The following GLIS1 variants were observed in gnomAD, a reference collection of about 807,000 sequenced individuals.
GLIS1 encodes the protein GLIS family zinc finger 1, also known as zinc finger protein GLIS1.
Under a neutral mutation model 63.8 loss-of-function variants are expected in GLIS1, and 24 were observed. The observed-to-expected ratio is 0.38, with a 90% CI of 0.27 to 0.53. The LOEUF is 0.53. Among genes scored for constraint, GLIS1 ranks in the 20% least tolerant of loss-of-function variants. The pLI, the probability that GLIS1 is intolerant of heterozygous loss-of-function variation, is 0.85. For synonymous variants in GLIS1, 450 were observed against 482.5 expected (o/e 0.93, Z 0.88); for missense variants, 1,036 against 1,074.1 (o/e 0.96, Z 0.50).
intron 2 of GLIS1, among the ~76,000 whole-genome samples, chr1:53,638,301 A>T (rs1319954613): frequency 1.3e-5 from 2 of 152,230 alleles, no homozygotes; most frequent in African/African-American, 4.8e-5. Flanking sequence ...CCATAACCCA[A>T]AGACAACGTG....
intron 2 of GLIS1, among the ~76,000 whole-genome samples, chr1:53,652,174 C>T (rs1051274211): frequency 3.3e-5 from 5 of 152,192 alleles, no homozygotes; most frequent in Non-Finnish European, 7.3e-5. Flanking sequence ...TTCTGTGTGT[C>T]CCTGTATGTA....
At chr1:53,629,694 G>A (rs1264409199) in intron 2 of GLIS1, among the ~76,000 whole-genome samples, 2 of 152,196 alleles carry the variant, frequency 1.3e-5, no homozygotes, top group Non-Finnish European at 2.9e-5. Flanking sequence ...TCACCTTCCT[G>A]CAAGAGGCCT....
At chr1:53,529,691 T>A in intron 5 of GLIS1, 100 bp downstream of exon 5, 1 of 1,249,754 alleles carries the variant, frequency 8.0e-7, no homozygotes, top group South Asian at 1.4e-5. Flanking sequence ...GCCCCAAACA[T>A]CGGTGGGGCT....
At chr1:53,565,852 AT>A (rs1440631685) in intron 4 of GLIS1, among the ~76,000 whole-genome samples, 1 of 152,168 alleles carries the variant, frequency 6.6e-6, no homozygotes, top group East Asian at 1.9e-4. Context: ...CATAAGACCA[AT>A]AAAACCCCAA....
chr1:53,541,704 A>T (rs1418580876), intron 4 of GLIS1, among the ~76,000 whole-genome samples: 2 of 152,258 alleles, frequency 1.3e-5, no homozygotes, highest in African/African-American at 4.8e-5. Context: ...GGGAACAGAC[A>T]GAGGCAAACC....
intron 7 of GLIS1, among the ~76,000 whole-genome samples, chr1:53,515,816 TAAAAAAAAA>T (rs58953406): frequency 4.3e-5 from 3 of 69,136 alleles, no homozygotes; most frequent in East Asian, 4.4e-4. Context: ...CTATTTTATC[TAAAAAAAAA>T]AAAAAAAAAA....
chr1:53,506,767 G>T lies in GLIS1; in HGVS notation c.2240C>A (p.Ala747Asp), dbSNP rs1021579677. 1.2e-6 allele frequency: 2 copies of T among 1,609,916 alleles called. No homozygotes were observed. Among genetic ancestry groups the T allele is most frequent in the Non-Finnish European group, 1.7e-6 (2 of 1,179,806 alleles). The change falls in exon 11 of 11, where the codon GCC (alanine) becomes GAC (aspartate). Residue 747 changes from alanine to aspartate, a missense_variant. Ala to Asp is a moderately radical substitution (Grantham distance 126). Coordinates refer to ENST00000628545, the MANE Select transcript of GLIS1 (RefSeq NM_001367484.1). ...TGTGGGGCATGAGGCCTCAGCCAGG[G>T]CCTCATAGCCTGTGAGTGGTTGGGA... ...STPLPATGYEALAEASCPTAL... is the reference protein window; with the variant it reads ...STPLPATGYEDLAEASCPTAL...
At chr1:53,724,958 G>T (rs939418358) in intron 2 of GLIS1, among the ~76,000 whole-genome samples, 6 of 152,166 alleles carry the variant, frequency 3.9e-5, no homozygotes, top group Non-Finnish European at 8.8e-5. Context: ...AGTGCCACCT[G>T]CTCAGCCAAC....
intron 2 of GLIS1, among the ~76,000 whole-genome samples, chr1:53,684,349 C>T (rs908761912): frequency 2.0e-5 from 3 of 152,162 alleles, no homozygotes; most frequent in African/African-American, 4.8e-5. Flanking sequence ...ATTTTCCTAA[C>T]CCTGGGAAAG....
intron 7 of GLIS1, among the ~76,000 whole-genome samples, chr1:53,517,825 C>T (rs943963798): frequency 3.3e-5 from 5 of 152,184 alleles, no homozygotes; most frequent in African/African-American, 7.2e-5. Context: ...GGGGCCAGGT[C>T]CCGGCCTGTC....
At chr1:53,702,015 A>G (rs7523018) in intron 2 of GLIS1, among the ~76,000 whole-genome samples, 33,672 of 147,246 alleles carry the variant, frequency 0.23, 3,064 homozygotes, top group African/African-American at 0.32. Context: ...AAAAAAAAAA[A>G]AAAAAAAGAA....
At chr1:53,640,148 A>G (rs980468757) in intron 2 of GLIS1, among the ~76,000 whole-genome samples, 1 of 152,198 alleles carries the variant, frequency 6.6e-6, no homozygotes, top group Non-Finnish European at 1.5e-5. Flanking sequence ...GCAGGATGGG[A>G]CAACCCAAAG....
intron 2 of GLIS1, chr1:53,734,037 G>C: frequency 1.0e-6 from 1 of 983,880 alleles, no homozygotes; most frequent in East Asian, 1.1e-4. Flanking sequence ...CCCACTCCGA[G>C]TCCATGCGCA....
chr1:53,640,334 G>A (rs1223679643), intron 2 of GLIS1, among the ~76,000 whole-genome samples: 2 of 152,146 alleles, frequency 1.3e-5, no homozygotes, highest in African/African-American at 2.4e-5. Context: ...TTAGTGGTTT[G>A]ACTCCTTTTG....
chr1:53,525,043 G>A (rs1429500779), intron 5 of GLIS1, among the ~76,000 whole-genome samples, 156 bp from the exon 6 acceptor site: 3 of 152,290 alleles, frequency 2.0e-5, no homozygotes, highest in East Asian at 1.9e-4. Flanking sequence ...TGGGGAAGGT[G>A]CCTGGCCTGG....
intron 4 of GLIS1, among the ~76,000 whole-genome samples, chr1:53,569,838 TCA>T (rs941669672): frequency 2.6e-5 from 4 of 151,496 alleles, no homozygotes; most frequent in African/African-American, 7.3e-5. Flanking sequence ...AAATTCACAA[TCA>T]CAACAAAAAG....
At chr1:53,632,997 G>A (rs554043389) in intron 2 of GLIS1, among the ~76,000 whole-genome samples, 89 of 148,746 alleles carry the variant, frequency 6.0e-4, no homozygotes, top group Non-Finnish European at 1.2e-3. Context: ...GAATGAGTGT[G>A]ACTGAGGGGT....
At chr1:53,686,780 G>T (rs1274191689) in intron 2 of GLIS1, among the ~76,000 whole-genome samples, 1 of 152,060 alleles carries the variant, frequency 6.6e-6, no homozygotes, top group Non-Finnish European at 1.5e-5. Flanking sequence ...AACGTGTGAC[G>T]GGTTCAGAGG....
At chr1:53,661,788 A>G (rs983845908) in intron 2 of GLIS1, among the ~76,000 whole-genome samples, 1 of 152,222 alleles carries the variant, frequency 6.6e-6, no homozygotes, top group South Asian at 2.1e-4. Context: ...ATGGTGGGAC[A>G]GACACAACAC....
Sources: gnomAD v4.1 joint callset for allele counts (sites outside exome capture counted in the v4.1 genomes callset) on GRCh38, gnomAD v4.1.1 for gene constraint, MANE v1.5 for transcripts, NCBI Gene and HGNC (gene_info 2026-07-23, HGNC 2026-07-21) for gene names.